The following LRRC72 variants were observed in gnomAD, a reference collection of about 807,000 sequenced individuals.
LRRC72 encodes leucine rich repeat containing 72.
A neutral mutation model predicts 35.8 loss-of-function variants in LRRC72; 41 were observed. That is an observed-to-expected ratio of 1.15 (90% CI 0.89 to 1.49). The LOEUF (loss-of-function observed/expected upper bound fraction) is 1.49, where lower values mean the gene tolerates loss of function less well. Ranked by LOEUF, LRRC72 falls within the 40% of genes most tolerant of loss-of-function variation. The probability of loss-of-function intolerance (pLI) is 0.00; values close to 1 mark genes in which losing one functional copy is unlikely to be tolerated. For missense variants in LRRC72, 389 were observed against 330.7 expected, an observed-to-expected ratio of 1.18 and a Z score of -1.37; for synonymous variants, 118 against 119.2, an observed-to-expected ratio of 0.99 and a Z score of 0.07.
chr7:16,536,114 C>T (rs1782253136), intron 2 of LRRC72, among the ~76,000 whole-genome samples: 1 of 152,056 alleles, frequency 6.6e-6, no homozygotes, highest in African/African-American at 2.4e-5. Flanking sequence ...CTTAGGTGAT[C>T]CATCCACCTC....
intron 3 of LRRC72, among the ~76,000 whole-genome samples, chr7:16,546,664 G>A (rs757543798): frequency 4.6e-5 from 7 of 152,092 alleles, no homozygotes; most frequent in Non-Finnish European, 1.0e-4. Flanking sequence ...CTGGTTCTCT[G>A]TCTGACCTTA....
chr7:16,579,244 T>C (rs1783099233), intron 7 of LRRC72, among the ~76,000 whole-genome samples: 11 of 152,234 alleles, frequency 7.2e-5, no homozygotes, highest in Admixed American at 7.2e-4. Flanking sequence ...ATACAGTTTT[T>C]ATTTGTCAAT....
intron 1 of LRRC72, 81 bp from the exon 2 acceptor site, chr7:16,532,414 A>T: frequency 2.2e-6 from 2 of 901,974 alleles, no homozygotes; most frequent in Non-Finnish European, 3.6e-6. Flanking sequence ...CTTCTTGTAG[A>T]CGTTATTGTT....
chr7:16,528,760 C>T (rs986676906), intron 1 of LRRC72, among the ~76,000 whole-genome samples: 3 of 152,208 alleles, frequency 2.0e-5, no homozygotes, highest in Non-Finnish European at 4.4e-5. Flanking sequence ...TTTTCTAGTT[C>T]AAAAATCCAG....
At chr7:16,566,224 AC>A (rs1290335929) in intron 5 of LRRC72, 88 bp from the exon 6 acceptor site, 1 of 716,550 alleles carries the variant, frequency 1.4e-6, no homozygotes, top group African/African-American at 3.0e-5. Flanking sequence ...TATGTTTTAT[AC>A]GAATCTCTTA....
chr7:16,568,860 G>A (rs1371461909), intron 7 of LRRC72, among the ~76,000 whole-genome samples: 7 of 152,106 alleles, frequency 4.6e-5, no homozygotes, highest in South Asian at 2.1e-4. Flanking sequence ...AACAGTGATC[G>A]AAAGTTTTTA....
At chr7:16,556,082 A>G (rs1210476538) in intron 3 of LRRC72, among the ~76,000 whole-genome samples, 1 of 151,864 alleles carries the variant, frequency 6.6e-6, no homozygotes, top group Non-Finnish European at 1.5e-5. Context: ...AAAAAAAAAA[A>G]TAGGCGTTCT....
chr7:16,573,657 G>T (rs1013112106), intron 7 of LRRC72, among the ~76,000 whole-genome samples: 1 of 152,142 alleles, frequency 6.6e-6, no homozygotes, highest in Non-Finnish European at 1.5e-5. Context: ...ATTAACTCAA[G>T]ATGGATTAGA....
chr7:16,580,888 A>G (rs753036971), intron 8 of LRRC72, among the ~76,000 whole-genome samples: 46 of 152,142 alleles, frequency 3.0e-4, no homozygotes, highest in Non-Finnish European at 6.2e-4. Context: ...TTTTTCACTT[A>G]AGATGTTTTT....
chr7:16,571,301 T>G (rs1195873436), intron 7 of LRRC72, among the ~76,000 whole-genome samples: 1 of 152,126 alleles, frequency 6.6e-6, no homozygotes, highest in East Asian at 1.9e-4. Flanking sequence ...CGGACATGCC[T>G]CCTTATACCC....
chr7:16,534,285 C>T (rs999225482), intron 2 of LRRC72, among the ~76,000 whole-genome samples: 6 of 152,152 alleles, frequency 3.9e-5, no homozygotes, highest in African/African-American at 1.4e-4. Flanking sequence ...AATTACCTCT[C>T]ATTATCCTTT....
chr7:16,554,548 C>A (rs1782616177), intron 3 of LRRC72, among the ~76,000 whole-genome samples: 1 of 152,120 alleles, frequency 6.6e-6, no homozygotes, highest in African/African-American at 2.4e-5. Context: ...TAGGGAAACG[C>A]CCTCCTTATT....
intron 3 of LRRC72, among the ~76,000 whole-genome samples, chr7:16,553,877 A>C (rs1052083572): frequency 5.3e-5 from 8 of 152,224 alleles, no homozygotes; most frequent in Non-Finnish European, 1.0e-4. Flanking sequence ...CAGCTCCATA[A>C]AATTAATAAT....
chr7:16,567,789 T>C (rs765138738), intron 7 of LRRC72, among the ~76,000 whole-genome samples: 7 of 152,098 alleles, frequency 4.6e-5, no homozygotes, highest in Non-Finnish European at 8.8e-5. Flanking sequence ...AACGAGATAA[T>C]ACATTGAAGC....
intron 7 of LRRC72, among the ~76,000 whole-genome samples, chr7:16,574,412 A>G (rs912258917): frequency 1.1e-4 from 16 of 152,228 alleles, no homozygotes; most frequent in Non-Finnish European, 1.5e-4. Flanking sequence ...ATGCCCATCA[A>G]TGATAGACTG....
intron 3 of LRRC72, among the ~76,000 whole-genome samples, chr7:16,547,708 G>C (rs1782472683): frequency 1.3e-5 from 2 of 152,236 alleles, no homozygotes; most frequent in South Asian, 4.1e-4. Context: ...ATGCTGGTAT[G>C]CCAGCCCCCT....
At chr7:16,570,523 C>T (rs1214006996) in intron 7 of LRRC72, among the ~76,000 whole-genome samples, 3 of 152,050 alleles carry the variant, frequency 2.0e-5, no homozygotes, top group Non-Finnish European at 4.4e-5. Flanking sequence ...GTTTATATTA[C>T]TTAAAATATA....
chr7:16,566,323 A>C lies in LRRC72; in HGVS notation c.438A>C (p.Gln146His), dbSNP rs1001522446. 2 of 1,538,190 alleles carry C rather than the reference A, an allele frequency of 1.3e-6. No homozygotes were observed. The highest frequency in any genetic ancestry group is 1.8e-6 in the Non-Finnish European group (2 of 1,142,484). The part of the protein sequence containing the change: ...MLNLKILSLY[Q>H]NPLCQYNLYR... Reference sequence around the variant, plus strand: ...ATTCTTCATTTGCAGGTCTATACCAAAATCCTTTGTGCCAATATAACCTGT... The same window carrying C: ...ATTCTTCATTTGCAGGTCTATACCACAATCCTTTGTGCCAATATAACCTGT... Residue 146 changes from glutamine to histidine, a missense_variant, in exon 6 of 9, where the codon CAA (glutamine) becomes CAC (histidine). Transcript: ENST00000401542.
At chr7:16,557,502 T>C (rs948780548) in intron 4 of LRRC72, 61 bp downstream of exon 4, 5 of 525,444 alleles carry the variant, frequency 9.5e-6, no homozygotes, top group Admixed American at 4.4e-5. Flanking sequence ...CTTTCAACTA[T>C]GGTAATTGCT....
Sources: allele counts gnomAD v4.1 joint callset (sites outside exome capture counted in the v4.1 genomes callset), GRCh38; gene constraint gnomAD v4.1.1; transcripts MANE v1.5; gene names NCBI Gene and HGNC (gene_info 2026-07-23, HGNC 2026-07-21).